Variants in DDX39B observed in about 807,000 individuals in gnomAD.
DDX39B encodes the protein DExD-box helicase 39B.
A neutral mutation model predicts 46.4 loss-of-function variants in DDX39B; 6 were observed. The ratio of observed to expected loss-of-function variants is 0.13; its 90% CI spans 0.07 to 0.26. The LOEUF (loss-of-function observed/expected upper bound fraction) is 0.26. DDX39B is among the 10% of genes least tolerant of loss of function. The pLI is 1.00. For synonymous variants in DDX39B, 174 were observed against 199.4 expected (o/e 0.87, Z 1.07); for missense variants, 185 against 553.4 (o/e 0.33, Z 6.68).
At chr6:31,541,557 C>A in intron 1 of DDX39B, 1 of 450,382 alleles carries the variant, frequency 2.2e-6, no homozygotes, top group Admixed American at 2.7e-5. Context: ...AGCTCCTCCT[C>A]CCAGTCCCAC....
chr6:31,536,348 T>C (rs762275471), intron 5 of DDX39B, 152 bp downstream of exon 5: 1 of 1,108,024 alleles, frequency 9.0e-7, no homozygotes, highest in Non-Finnish European at 1.4e-6. Flanking sequence ...CTTAAAAGCA[T>C]AATAAAGACC....
At chr6:31,536,833 T>TC (rs1172218851) in intron 4 of DDX39B, 150 bp from the exon 5 acceptor site, 143 of 932,040 alleles carry the variant, frequency 1.5e-4, no homozygotes, top group Admixed American at 3.2e-4. Flanking sequence ...AAATTTTATG[T>TC]CCCCCCCACC....
At chr6:31,541,827 G>A (rs1350406726) in intron 1 of DDX39B, 123 bp downstream of exon 1, 5 of 653,184 alleles carry the variant, frequency 7.7e-6, no homozygotes, top group Admixed American at 2.5e-5. Flanking sequence ...TAAGGAAATA[G>A]CGAACCAACT....
At position 31,539,153 on chromosome 6, in the gene DDX39B, A is replaced by G. The variant is rs150991114; in HGVS notation, c.333T>C (p.Thr111=). Residue 111 remains threonine (T), a synonymous_variant, in exon 3 of 11, where the codon ACT becomes ACC. Coordinates refer to ENST00000396172, the MANE Select transcript of DDX39B (RefSeq NM_004640.7). ...GCACTCTCCCCAAATATACCTGCCC[A>G]GTAACTGGCTCCAGCTGTTGCAGTG... The part of the protein sequence containing the change: ...LATLQQLEPV[T]GQVSVLVMCH... 5 of 1,613,094 alleles carry G rather than the reference A, an allele frequency of 3.1e-6. No individual in the cohort carries two copies. The African/African-American group carries it at 6.7e-5, about 22-fold the overall frequency.
chr6:31,531,385 A>C lies in DDX39B; in HGVS notation c.888T>G (p.Ser296=), dbSNP rs751187261. The C allele has an allele frequency of 6.2e-7, 1 of 1,614,104 alleles. No individual in the cohort carries two copies. Among genetic ancestry groups the C allele is most frequent in the Admixed American group, 1.7e-5 (1 of 60,026 alleles). The change falls in exon 8 of 11, where the codon TCT becomes TCG. Residue 296 remains serine, a synonymous_variant. Transcript: ENST00000396172. This position sits in a 1 kb window ranked among gnomAD's most constrained non-coding sequence, Gnocchi z 5.8. ...GGGCCAAGGCAATGCACCGCTGCAC[A>C]GACTTCACAAAGATCACCACCTGTT... The part of the protein sequence containing the change: ...EFNQVVIFVK[S]VQRCIALAQL...
Position 31,532,888 on chromosome 6 carries a change from A to G in DDX39B, c.759T>C (p.Asp253=), listed in dbSNP as rs1188863406. 2 of 1,469,866 alleles carry G rather than the reference A, an allele frequency of 1.4e-6. No homozygotes were observed. The highest frequency in any genetic ancestry group is 2.3e-5 in the South Asian group (2 of 88,822). 91.1% of individuals were successfully genotyped at this position (1,469,866 alleles called of 1,614,324 possible). ...ACCCATGCAGCGTCAACTTCGTCTC[A>G]TCATCCACGAAGATCTCCATTGGCT... ...MQDPMEIFVD[D]ETKLTLHGLQ... Residue 253 remains aspartate (D), a synonymous_variant, in exon 7 of 11, where the codon GAT becomes GAC. Coordinates refer to ENST00000396172, the MANE Select transcript of DDX39B (RefSeq NM_004640.7).
Position 31,531,012 on chromosome 6 carries a change from G to A in DDX39B, c.1122+41C>T, listed in dbSNP as rs531979596. On this transcript the variant is annotated intron_variant, in intron 9 of 10. Transcript: ENST00000396172. This position sits in a 1 kb window ranked among gnomAD's most constrained non-coding sequence, Gnocchi z 5.8. ...ATGAAGATGTACAAACAGAAAACAAGGGAATGGGAGAGTGGGATTTTTTCA... is the reference window on the plus strand; with the variant it reads ...ATGAAGATGTACAAACAGAAAACAAAGGAATGGGAGAGTGGGATTTTTTCA... 37 of 1,613,452 alleles carry A rather than the reference G, an allele frequency of 2.3e-5. No homozygotes were observed. Among genetic ancestry groups the A allele is most frequent in the Non-Finnish European group, 3.1e-5 (37 of 1,179,522 alleles).
intron 1 of DDX39B, chr6:31,541,138 G>A (rs889710473): frequency 1.5e-5 from 8 of 533,558 alleles, no homozygotes; most frequent in Non-Finnish European, 3.1e-5. Flanking sequence ...GGTCATCACT[G>A]CGCAAAGCGC....
In DDX39B at chr6:31,532,684, CAT is replaced by C. The variant is rs1269040575; in HGVS notation, c.867+94_867+95del. On this transcript the variant is annotated intron_variant, in intron 7 of 10. Transcript: ENST00000396172. ...CCTCATTATTCTCTCCCACATCACA[CAT>C]GTGATTTCCTCAATAAAAGTGTACT... The C allele has an allele frequency of 4.0e-5, 59 of 1,480,994 alleles. No individual in the cohort carries two copies. In the East Asian group the frequency reaches 6.9e-4, roughly 17 times the overall value. The allele number at this position is 1,480,994 out of a possible 1,614,324, so 91.7% of individuals were successfully genotyped here.
chr6:31,539,909 A>T (rs1487700423), intron 2 of DDX39B, among the ~76,000 whole-genome samples: 1 of 152,232 alleles, frequency 6.6e-6, no homozygotes, highest in African/African-American at 2.4e-5. Flanking sequence ...GATCATTAGC[A>T]CTTTGGTGCT....
intron 3 of DDX39B, 38 bp from the exon 4 acceptor site, chr6:31,538,893 A>T (rs747487630): frequency 2.5e-6 from 4 of 1,593,096 alleles, no homozygotes; most frequent in East Asian, 2.2e-5. Flanking sequence ...TGGTAAATGT[A>T]GCTCTTCATT....
intron 2 of DDX39B, among the ~76,000 whole-genome samples, chr6:31,539,729 C>T (rs982801067): frequency 2.6e-5 from 4 of 152,146 alleles, no homozygotes; most frequent in African/African-American, 9.7e-5. Context: ...CTAAACCAGT[C>T]ATAGAGGTTT....
Position 31,535,347 on chromosome 6 carries a change from G to A in DDX39B, c.735+20C>T, listed in dbSNP as rs767584076. On this transcript the variant is annotated intron_variant, in intron 6 of 10. Coordinates refer to ENST00000396172, the MANE Select transcript of DDX39B (RefSeq NM_004640.7). The surrounding 1 kb of genome is among the most constrained non-coding windows in gnomAD (Gnocchi z 4.6). ...GCAGCGGGCGGGGAGTGGAGGGAGA[G>A]AAGGTAGAAGGGTATTTACATCTTG... 2.4e-5 allele frequency: 39 copies of A among 1,608,388 alleles called. No individual in the cohort carries two copies. The highest frequency in any genetic ancestry group is 3.1e-5 in the Non-Finnish European group (36 of 1,175,588).
intron 1 of DDX39B, 137 bp from the exon 2 acceptor site, chr6:31,540,801 G>A (rs759645512): frequency 1.3e-5 from 7 of 547,280 alleles, no homozygotes; most frequent in Non-Finnish European, 1.9e-5. Flanking sequence ...ACATAAAAAC[G>A]AAAAGCAAAT....
chr6:31,539,537 A>G (rs534299000), intron 2 of DDX39B, among the ~76,000 whole-genome samples: 1 of 152,082 alleles, frequency 6.6e-6, no homozygotes, highest in Admixed American at 6.5e-5. Context: ...GCATCTACCA[A>G]CCGCTCACCT....
intron 5 of DDX39B, 139 bp downstream of exon 5, chr6:31,536,360 AC>A (rs755118060): frequency 8.1e-7 from 1 of 1,237,254 alleles, no homozygotes; most frequent in Non-Finnish European, 1.2e-6. Context: ...ATAAAGACCA[AC>A]CAGGGAACCC....
At position 31,531,455 on chromosome 6, in the gene DDX39B, T is replaced by G; in HGVS notation, c.868-50A>C. Reference sequence around the variant, plus strand: ...CGCAAATTGGGGGAATAGGGGTCCATGGTGTGTGAGAGACATTACGTGGGA... The same window carrying G: ...CGCAAATTGGGGGAATAGGGGTCCAGGGTGTGTGAGAGACATTACGTGGGA... On this transcript the variant is annotated intron_variant, in intron 7 of 10. Coordinates refer to ENST00000396172, the MANE Select transcript of DDX39B (RefSeq NM_004640.7). The surrounding 1 kb of genome is among the most constrained non-coding windows in gnomAD (Gnocchi z 5.8). 6.5e-7 allele frequency: 1 copy of G among 1,549,362 alleles called. No homozygotes were observed. Among genetic ancestry groups the G allele is most frequent in the Non-Finnish European group, 8.9e-7 (1 of 1,121,824 alleles).
rs10819 is a variant in DDX39B, at chr6:31,530,426, C to G, written c.*8G>C. 6.2e-7 allele frequency: 1 copy of G among 1,612,562 alleles called. No homozygotes were observed. Among genetic ancestry groups the G allele is most frequent in the South Asian group, 1.1e-5 (1 of 91,048 alleles). On this transcript the variant is annotated 3_prime_UTR_variant, in exon 11 of 11. Transcript: ENST00000396172. This position sits in a 1 kb window ranked among gnomAD's most constrained non-coding sequence, Gnocchi z 4.5. ...ACAGACGGTCACATTCCAAAATGGG[C>G]GAGTCTTCTACCGTGTCTGTTCAAC...
At position 31,531,089 on chromosome 6, in the gene DDX39B, A is replaced by G. The variant is rs1017404759; in HGVS notation, c.1086T>C (p.Tyr362=). The G allele has an allele frequency of 3.7e-6, 6 of 1,614,114 alleles. No homozygotes were observed. In the African/African-American group the frequency reaches 4.0e-5, roughly 11 times the overall value. The change falls in exon 9 of 11, where the codon TAT becomes TAC. Residue 362 remains tyrosine (Y), a synonymous_variant. Transcript: ENST00000396172. The surrounding 1 kb of genome is among the most constrained non-coding windows in gnomAD (Gnocchi z 5.8). ...AGGTGTCAGAATCCTCAGGCATGTC[A>G]TAATTAAAAGCAATGTTCACCCGCT... ...DIERVNIAFN[Y]DMPEDSDTYL... is the part of the protein sequence containing the mutation.
Sources: allele counts gnomAD v4.1 joint callset (sites outside exome capture counted in the v4.1 genomes callset), GRCh38; gene constraint gnomAD v4.1.1; non-coding constraint Gnocchi (gnomAD v3.1); transcripts MANE v1.5; gene names NCBI Gene and HGNC (gene_info 2026-07-23, HGNC 2026-07-21).